Variants in FGA observed in about 807,000 individuals in gnomAD.
The protein encoded by FGA is fibrinogen, A alpha polypeptide.
Under a neutral mutation model 20.3 loss-of-function variants are expected in FGA, and 20 were observed. That is an observed-to-expected ratio of 0.99 (90% CI 0.69 to 1.43). The LOEUF (loss-of-function observed/expected upper bound fraction) is 1.43, where lower values mean the gene tolerates loss of function less well. Ranked by LOEUF, FGA falls within the 40% of genes most tolerant of loss-of-function variation. The pLI, the probability that FGA is intolerant of heterozygous loss-of-function variation, is 0.00. For synonymous variants in FGA, 306 were observed against 281.6 expected, an observed-to-expected ratio of 1.09 and a Z score of -0.87; for missense variants, 777 against 784.7, an observed-to-expected ratio of 0.99 and a Z score of 0.12.
Position 154,585,966 on chromosome 4 carries a change from C to T in FGA, c.1463G>A (p.Gly488Asp), listed in dbSNP as rs1382669489. The T allele has an allele frequency of 6.2e-6, 10 of 1,614,070 alleles. No homozygotes were observed. Among genetic ancestry groups the T allele is most frequent in the African/African-American group, 5.3e-5 (4 of 74,924 alleles). Residue 488 changes from glycine to aspartate, a missense_variant, in exon 5 of 5, where the codon GGT (glycine) becomes GAT (aspartate). Gly to Asp is a moderately conservative substitution (Grantham distance 94, BLOSUM62 -1). Transcript: ENST00000403106. ...ATCCATTGCCTCGGGACAGTCAGAACCATCTTCGGAGGTCACCACTTCTTT... is the reference window on the plus strand; with the variant it reads ...ATCCATTGCCTCGGGACAGTCAGAATCATCTTCGGAGGTCACCACTTCTTT... Reference protein sequence around the residue: ...VTKEVVTSEDGSDCPEAMDLG... With the variant: ...VTKEVVTSEDDSDCPEAMDLG...
chr4:154,586,113 T>C lies in FGA; in HGVS notation c.1316A>G (p.Asp439Gly). The change falls in exon 5 of 5, where the codon GAT becomes GGT. Residue 439 changes from aspartate to glycine, a missense_variant. By Grantham distance (94) the Asp-to-Gly change is moderately conservative (BLOSUM62 -1). Transcript: ENST00000403106. ...HTEKLVTSKG[D>G]KELRTGKEKV... ...CTCTTTACCAGTCCTGAGCTCTTTA[T>C]CTCCTTTAGAAGTGACCAGTTTTTC... is the stretch of plus-strand genomic sequence containing the variant. 6.2e-7 allele frequency: 1 copy of C among 1,614,158 alleles called. No individual in the cohort carries two copies.
At chr4:154,584,070 C>A, downstream of FGA, 7 of 827,662 alleles carry the variant, frequency 8.5e-6, no homozygotes, top group Non-Finnish European at 1.2e-5. Context: ...TTTGTATTTT[C>A]TCTCCACTTC....
At chr4:154,589,076 C>G in intron 2 of FGA, 100 bp from the exon 3 acceptor site, 1 of 1,037,170 alleles carries the variant, frequency 9.6e-7, no homozygotes, top group South Asian at 1.3e-5. Flanking sequence ...TACCCTATCT[C>G]TTCCAGATAA....
chr4:154,587,424 A>G, intron 4 of FGA, 88 bp downstream of exon 4: 1 of 1,194,738 alleles, frequency 8.4e-7, no homozygotes, highest in Non-Finnish European at 1.2e-6. Flanking sequence ...TTTTCTCTGC[A>G]TATAGTAGAC....
chr4:154,589,337 T>C, intron 2 of FGA, 100 bp downstream of exon 2: 2 of 1,408,560 alleles, frequency 1.4e-6, no homozygotes, highest in Non-Finnish European at 2.0e-6. Flanking sequence ...TATTCAATTA[T>C]TTTCTATTTA....
At chr4:154,590,556 G>A (rs1308777373) in intron 1 of FGA, 78 bp downstream of exon 1, 24 of 1,208,418 alleles carry the variant, frequency 2.0e-5, no homozygotes, top group Non-Finnish European at 2.6e-5. Flanking sequence ...ACATAGAGCA[G>A]GTAGACTCTG....
At chr4:154,584,155 C>A (rs376940583), downstream of FGA, 33 of 1,522,522 alleles carry the variant, frequency 2.2e-5, no homozygotes, top group Non-Finnish European at 2.7e-5. Flanking sequence ...AATTTTCATG[C>A]GAACAGCCCT....
At chr4:154,587,795 GAAAGAAAGAGAAA>G in intron 3 of FGA, 138 bp from the exon 4 acceptor site, 1 of 692,900 alleles carries the variant, frequency 1.4e-6, no homozygotes, top group Non-Finnish European at 2.4e-6. Context: ...AAGAAAGAAA[GAAAGAAAGAGAAA>G]AAAGAAAGAA....
chr4:154,583,307 C>T (rs1434064666), downstream of FGA: 2 of 152,132 alleles, frequency 1.3e-5, no homozygotes, highest in African/African-American at 4.8e-5. Flanking sequence ...TAGTGAGAGG[C>T]TTTCGAACTA....
Position 154,586,813 on chromosome 4 carries a change from G to C in FGA, c.616C>G (p.Gln206Glu), listed in dbSNP as rs560732073. The change falls in exon 5 of 5, where the codon CAG (glutamine) becomes GAG (glutamate). Residue 206 changes from glutamine to glutamate, a missense_variant. Transcript: ENST00000403106. Reference sequence around the variant, plus strand: ...GGAAGTAAGTCTTTGGCAATGACCTGTTCAAGTTGCTTCTGCTGATCTTCA... The same window carrying C: ...GGAAGTAAGTCTTTGGCAATGACCTCTTCAAGTTGCTTCTGCTGATCTTCA... The part of the protein sequence containing the change: ...DYEDQQKQLE[Q>E]VIAKDLLPSR... 1.4e-4 allele frequency: 229 copies of C among 1,614,028 alleles called. No homozygotes were observed. The highest frequency in any genetic ancestry group is 1.8e-4 in the Non-Finnish European group (217 of 1,180,022).
In FGA at chr4:154,585,626, A is replaced by G. The variant is rs554233911; in HGVS notation, c.1803T>C (p.Tyr601=). The change falls in exon 5 of 5, where the codon TAT becomes TAC. Residue 601 remains tyrosine (Y), a synonymous_variant. Coordinates refer to ENST00000403106, the MANE Select transcript of FGA (RefSeq NM_021871.4). The stretch of plus-strand genomic sequence containing the variant: ...CACTTCCGGCCTCATCTGCCATTTT[A>G]TAGCTCTTGCTTTCAAATGTGGAGT... ...RGDSTFESKS[Y]KMADEAGSEA... 23 of 1,614,126 alleles carry G rather than the reference A, an allele frequency of 1.4e-5. No homozygotes were observed. In the South Asian group the frequency reaches 2.5e-4, roughly 18 times the overall value.
At position 154,590,678 on chromosome 4, in the gene FGA, T is replaced by C. The variant is rs778145089; in HGVS notation, c.10A>G (p.Met4Val). 14 of 1,556,902 alleles carry C rather than the reference T, an allele frequency of 9.0e-6. No individual in the cohort carries two copies. The highest frequency in any genetic ancestry group is 1.2e-5 in the South Asian group (1 of 84,416). The change falls in exon 1 of 5, where the codon ATG becomes GTG. Residue 4 changes from methionine to valine, a missense_variant. By Grantham distance (21) the Met-to-Val change is conservative (BLOSUM62 1). Transcript: ENST00000403106. MFS[M>V]RIVCLVLSVV... ...CTTAGGACCAGGCAGACGATCCTCA[T>C]GGAAAACATCTTTTCTAAGGGTGGG...
At chr4:154,584,346 G>T, downstream of FGA, 3 of 1,614,072 alleles carry the variant, frequency 1.9e-6, no homozygotes, top group South Asian at 3.3e-5. Flanking sequence ...CTTCCCACTG[G>T]TCTGCATCCC....
Position 154,589,475 on chromosome 4 carries a change from T to C in FGA, c.142A>G (p.Lys48Glu). Reference protein sequence around the residue: ...RVVERHQSACKDSDWPFCSDE... With the variant: ...RVVERHQSACEDSDWPFCSDE... Reference sequence around the variant, plus strand: ...GAGCAGAAGGGCCAGTCTGAATCTTTGCAGGCAGATTGATGTCTTTCCACA... The same window carrying C: ...GAGCAGAAGGGCCAGTCTGAATCTTCGCAGGCAGATTGATGTCTTTCCACA... Residue 48 changes from lysine (K) to glutamate (E), a missense_variant, in exon 2 of 5, where the codon AAA (lysine) becomes GAA (glutamate). Transcript: ENST00000403106. The C allele has an allele frequency of 6.2e-7, 1 of 1,614,166 alleles. No individual in the cohort carries two copies. The highest frequency in any genetic ancestry group is 8.5e-7 in the Non-Finnish European group (1 of 1,180,026).
At chr4:154,590,358 A>G (rs1264954932) in intron 1 of FGA, among the ~76,000 whole-genome samples, 1 of 152,212 alleles carries the variant, frequency 6.6e-6, no homozygotes, top group Non-Finnish European at 1.5e-5. Flanking sequence ...TGCCCTTTTT[A>G]AAACAAAACA....
chr4:154,584,945 C>T (rs927788856), downstream of FGA: 1 of 887,716 alleles, frequency 1.1e-6, no homozygotes. Context: ...TCCTTTCTTT[C>T]TTCCTCCTTT....
downstream of FGA, chr4:154,584,685 A>G: frequency 6.2e-7 from 1 of 1,614,080 alleles, no homozygotes; most frequent in Non-Finnish European, 8.5e-7. Context: ...TCAGTGATCC[A>G]TCCATTCTTT....
At chr4:154,588,485 C>T (rs1264407168) in intron 3 of FGA, among the ~76,000 whole-genome samples, 1 of 152,188 alleles carries the variant, frequency 6.6e-6, no homozygotes, top group Non-Finnish European at 1.5e-5. Context: ...AAAATATCAA[C>T]TCAAAGAGTC....
chr4:154,586,231 A>C lies in FGA; in HGVS notation c.1198T>G (p.Ser400Ala), dbSNP rs761337850. 28 of 1,613,942 alleles carry C rather than the reference A, an allele frequency of 1.7e-5. No homozygotes were observed. The highest frequency in any genetic ancestry group is 2.4e-5 in the Non-Finnish European group (28 of 1,179,984). The change falls in exon 5 of 5, where the codon TCT becomes GCT. Residue 400 changes from serine (S) to alanine (A), a missense_variant. Physicochemically the swap from Ser to Ala is moderately conservative, Grantham distance 99 (BLOSUM62 1). Coordinates refer to ENST00000403106, the MANE Select transcript of FGA (RefSeq NM_021871.4). Reference sequence around the variant, plus strand: ...GGGTTGTTAGGCCTCGCGTTCCCAGAGCCTGGGCTATCTGGCCTAAAACTT... The same window carrying C: ...GGGTTGTTAGGCCTCGCGTTCCCAGCGCCTGGGCTATCTGGCCTAAAACTT... ...SGSFRPDSPG[S>A]GNARPNNPDW...
Sources: allele counts gnomAD v4.1 joint callset (sites outside exome capture counted in the v4.1 genomes callset), GRCh38; gene constraint gnomAD v4.1.1; transcripts MANE v1.5; gene names NCBI Gene and HGNC (gene_info 2026-07-23, HGNC 2026-07-21).